Variants in SLC2A4 observed in about 807,000 individuals in gnomAD.
SLC2A4 encodes the protein solute carrier family 2, facilitated glucose transporter member 4.
Under a neutral mutation model 53.3 loss-of-function variants are expected in SLC2A4, and 31 were observed. The ratio of observed to expected loss-of-function variants is 0.58; its 90% confidence interval spans 0.44 to 0.78. The LOEUF (loss-of-function observed/expected upper bound fraction) is 0.78. SLC2A4 is among the 30% of genes least tolerant of loss of function. SLC2A4 has a pLI of 0.00. For synonymous variants in SLC2A4, 276 were observed against 281.9 expected (o/e 0.98, Z 0.21); for missense variants, 538 against 655.7 (o/e 0.82, Z 1.96).
Position 7,285,962 on chromosome 17 carries a change from C to T in SLC2A4, c.1326+54C>T. 1.3e-6 allele frequency: 2 copies of T among 1,520,468 alleles called. No homozygotes were observed. Among genetic ancestry groups the T allele is most frequent in the Admixed American group, 1.8e-5 (1 of 57,104 alleles). The allele number at this position is 1,520,468 out of a possible 1,614,324, so 94.2% of individuals were successfully genotyped here. A position where few individuals can be genotyped will look rare whatever the true frequency, so the allele number is the denominator to read the frequency against. Reference sequence around the variant, plus strand: ...CCGTAGGCCAGAGGTGGGCATCACACAGCTAGCCCACCTGCTTCCCCGTCA... The same window carrying T: ...CCGTAGGCCAGAGGTGGGCATCACATAGCTAGCCCACCTGCTTCCCCGTCA... On this transcript the variant is annotated intron_variant, in intron 10 of 10. Transcript: ENST00000317370. This position sits in a 1 kb window ranked among gnomAD's most constrained non-coding sequence, Gnocchi z 6.0.
rs2072419512 is a variant in SLC2A4, at chr17:7,283,428, G to A, written c.151-45G>A. 6.2e-7 allele frequency: 1 copy of A among 1,612,794 alleles called. No homozygotes were observed. Among genetic ancestry groups the A allele is most frequent in the Non-Finnish European group, 8.5e-7 (1 of 1,179,378 alleles). ...GAGGACAGGTGTCTCGGGGGTGGTG[G>A]AAAGGGGACGGTCTGCAGGAAATCT... On this transcript the variant is annotated intron_variant, in intron 2 of 10. Coordinates refer to ENST00000317370, the MANE Select transcript of SLC2A4 (RefSeq NM_001042.3). This position sits in a 1 kb window ranked among gnomAD's most constrained non-coding sequence, Gnocchi z 5.8.
Position 7,285,337 on chromosome 17 carries a change from G to C in SLC2A4, c.1122+148G>C. ...CCAGGACTGGGGCTGACTGGCTCCA[G>C]AATCTGCTGGGATTGTGGTCTGCTC... On this transcript the variant is annotated intron_variant, in intron 9 of 10. Coordinates refer to ENST00000317370, the MANE Select transcript of SLC2A4 (RefSeq NM_001042.3). This position sits in a 1 kb window ranked among gnomAD's most constrained non-coding sequence, Gnocchi z 6.0. 1 of 761,736 alleles carries C rather than the reference G, an allele frequency of 1.3e-6. No homozygotes were observed. Among genetic ancestry groups the C allele is most frequent in the Non-Finnish European group, 2.2e-6 (1 of 448,308 alleles). The allele number at this position is 761,736 out of a possible 1,614,324, so 47.2% of individuals were successfully genotyped here.
Position 7,282,092 on chromosome 17 carries a change from G to A in SLC2A4, c.33+125G>A. 2 of 809,260 alleles carry A rather than the reference G, an allele frequency of 2.5e-6. No homozygotes were observed. Among genetic ancestry groups the A allele is most frequent in the South Asian group, 2.9e-5 (2 of 68,716 alleles). The allele number at this position is 809,260 out of a possible 1,614,324, so 50.1% of individuals were successfully genotyped here. A position where few individuals can be genotyped will look rare whatever the true frequency, so the allele number is the denominator to read the frequency against. ...GCGCAGGGGGTGAAGGTAGGGGGCTGGCTATTTATACCCGGCCTGGACAAC... is the reference window on the plus strand; with the variant it reads ...GCGCAGGGGGTGAAGGTAGGGGGCTAGCTATTTATACCCGGCCTGGACAAC... On this transcript the variant is annotated intron_variant, in intron 1 of 10. Transcript: ENST00000317370. The surrounding 1 kb of genome is among the most constrained non-coding windows in gnomAD (Gnocchi z 4.1).
chr17:7,282,532 C>A lies in SLC2A4; in HGVS notation c.33+565C>A. 2.5e-6 allele frequency: 1 copy of A among 404,084 alleles called. No individual in the cohort carries two copies. Among genetic ancestry groups the A allele is most frequent in the Non-Finnish European group, 5.0e-6 (1 of 199,820 alleles). The allele number at this position is 404,084 out of a possible 1,614,324, so 25.0% of individuals were successfully genotyped here. ...CAGCGAGCGGCCACCACTGCCACCG[C>A]CCCTCACACTACCTTCCTGCCCTCC... On this transcript the variant is annotated intron_variant, in intron 1 of 10. Transcript: ENST00000317370. This position sits in a 1 kb window ranked among gnomAD's most constrained non-coding sequence, Gnocchi z 4.1.
rs1232209607 is a variant in SLC2A4 at position 7,283,852 on chromosome 17, C to T, written c.438C>T (p.Gly146=). 13 of 1,614,136 alleles carry T rather than the reference C, an allele frequency of 8.1e-6. No individual in the cohort carries two copies. Among genetic ancestry groups the T allele is most frequent in the South Asian group, 3.3e-5 (3 of 91,088 alleles). Residue 146 remains glycine, a synonymous_variant, in exon 4 of 11, where the codon GGC becomes GGT. Transcript: ENST00000317370. The surrounding 1 kb of genome is among the most constrained non-coding windows in gnomAD (Gnocchi z 5.8). ...TCATCCTTGGACGATTCCTCATTGG[C>T]GCCTACTCAGGTACTCACGGGCACC... ...EMLILGRFLI[G]AYSGLTSGLV... is the part of the protein sequence containing the mutation.
rs2072428487 is a variant in SLC2A4, at chr17:7,284,187, C to T, written c.565-30C>T. The T allele has an allele frequency of 5.0e-6, 8 of 1,611,514 alleles. No individual in the cohort carries two copies. The highest frequency in any genetic ancestry group is 6.8e-6 in the Non-Finnish European group (8 of 1,179,910). On this transcript the variant is annotated intron_variant, in intron 5 of 10. Coordinates refer to ENST00000317370, the MANE Select transcript of SLC2A4 (RefSeq NM_001042.3). This position sits in a 1 kb window ranked among gnomAD's most constrained non-coding sequence, Gnocchi z 7.5. ...AAGGTAAGGCAGAAGGGCTGAGTGA[C>T]CTGCCTTCTTTCCCAACCTTCTCCC...
At position 7,283,612 on chromosome 17, in the gene SLC2A4, T is replaced by C. The variant is rs1428213073; in HGVS notation, c.290T>C (p.Phe97Ser). ...TCCGTGGGCGGCATGATTTCCTCCT[T>C]CCTCATTGGTATCATCTCTCAGTGG... ...IFSVGGMISS[F>S]LIGIISQWLG... The change falls in exon 3 of 11, where the codon TTC becomes TCC. Residue 97 changes from phenylalanine to serine, a missense_variant. Physicochemically the swap from Phe to Ser is radical, Grantham distance 155. Coordinates refer to ENST00000317370, the MANE Select transcript of SLC2A4 (RefSeq NM_001042.3). The surrounding 1 kb of genome is among the most constrained non-coding windows in gnomAD (Gnocchi z 5.8). The C allele has an allele frequency of 6.2e-7, 1 of 1,613,762 alleles. No homozygotes were observed.
Position 7,284,145 on chromosome 17 carries a change from G to A in SLC2A4, c.564+56G>A, listed in dbSNP as rs1364800397. 8.1e-6 allele frequency: 13 copies of A among 1,610,558 alleles called. No individual in the cohort carries two copies. Among genetic ancestry groups the A allele is most frequent in the Non-Finnish European group, 1.1e-5 (13 of 1,178,106 alleles). ...GCAGTGGTTAGAGTGGGGCTCTGGAGAATATGGTGGGCTTCCAAGGTAAGG... is the reference window on the plus strand; with the variant it reads ...GCAGTGGTTAGAGTGGGGCTCTGGAAAATATGGTGGGCTTCCAAGGTAAGG... On this transcript the variant is annotated intron_variant, in intron 5 of 10. Coordinates refer to ENST00000317370, the MANE Select transcript of SLC2A4 (RefSeq NM_001042.3). The surrounding 1 kb of genome is among the most constrained non-coding windows in gnomAD (Gnocchi z 7.5).
rs2072456112 is a variant in SLC2A4 at position 7,287,008 on chromosome 17, C to G, written c.*379C>G. 1 of 314,510 alleles carries G rather than the reference C, an allele frequency of 3.2e-6. No homozygotes were observed. Among genetic ancestry groups the G allele is most frequent in the Admixed American group, 4.3e-5 (1 of 23,444 alleles). 19.5% of individuals were successfully genotyped at this position (314,510 alleles called of 1,614,324 possible). A position where few individuals can be genotyped will look rare whatever the true frequency, so the allele number is the denominator to read the frequency against. ...ACTTTCTCAGTGGGACAAACCAGAG[C>G]AGAGAGCAGGACAGGAGACAAGAAA... On this transcript the variant is annotated 3_prime_UTR_variant, in exon 11 of 11. Coordinates refer to ENST00000317370, the MANE Select transcript of SLC2A4 (RefSeq NM_001042.3).
Position 7,284,714 on chromosome 17 carries a change from G to T in SLC2A4, c.915+42G>T. On this transcript the variant is annotated intron_variant, in intron 7 of 10. Coordinates refer to ENST00000317370, the MANE Select transcript of SLC2A4 (RefSeq NM_001042.3). This position sits in a 1 kb window ranked among gnomAD's most constrained non-coding sequence, Gnocchi z 7.5. ...CTCCAGGCAGGGCACAGCCCCGGGA[G>T]GGTAGACGAGAGTGGGGAGCAAACC... is the stretch of plus-strand genomic sequence containing the variant. The T allele has an allele frequency of 1.2e-6, 2 of 1,612,414 alleles. No homozygotes were observed. Among genetic ancestry groups the T allele is most frequent in the Non-Finnish European group, 1.7e-6 (2 of 1,178,694 alleles).
In SLC2A4 at chr17:7,282,605, T is replaced by C. The variant is rs2072412166; in HGVS notation, c.33+638T>C. On this transcript the variant is annotated intron_variant, in intron 1 of 10. Transcript: ENST00000317370. The surrounding 1 kb of genome is among the most constrained non-coding windows in gnomAD (Gnocchi z 4.1). ...GGCAGAACCCCTGGACGGCCCTCCC[T>C]GCACGGAGGTTAGAGGGGGAGGGCA... Among the ~76,000 whole-genome samples, 2 of 152,168 alleles carry C rather than the reference T, an allele frequency of 1.3e-5. No individual in the cohort carries two copies. The highest frequency in any genetic ancestry group is 1.3e-4 in the Admixed American group (2 of 15,284).
At position 7,281,914 on chromosome 17, in the gene SLC2A4, G is replaced by C. The variant is rs72556569; in HGVS notation, c.-21G>C. ...TCTTTCATCTTCGCCGCCCCTGCGC[G>C]TCCAGCTCTTCTAAGACGAGATGCC... On this transcript the variant is annotated 5_prime_UTR_variant, in exon 1 of 11. Transcript: ENST00000317370. 1.2e-6 allele frequency: 2 copies of C among 1,600,318 alleles called. No individual in the cohort carries two copies. Among genetic ancestry groups the C allele is most frequent in the Non-Finnish European group, 1.7e-6 (2 of 1,173,402 alleles).
rs1285270838 is a variant in SLC2A4 at position 7,283,826 on chromosome 17, C to T, written c.412C>T (p.Leu138Phe). Reference protein sequence around the residue: ...LANAAASYEMLILGRFLIGAY... With the variant: ...LANAAASYEMFILGRFLIGAY... ...CAATGCTGCTGCCTCCTATGAAATG[C>T]TCATCCTTGGACGATTCCTCATTGG... Residue 138 changes from leucine to phenylalanine, a missense_variant, in exon 4 of 11, where the codon CTC (leucine) becomes TTC (phenylalanine). Transcript: ENST00000317370. This position sits in a 1 kb window ranked among gnomAD's most constrained non-coding sequence, Gnocchi z 5.8. 6.2e-7 allele frequency: 1 copy of T among 1,614,144 alleles called. No homozygotes were observed. The highest frequency in any genetic ancestry group is 1.7e-5 in the Admixed American group (1 of 60,028).
At position 7,285,147 on chromosome 17, in the gene SLC2A4, GTGTGGCTGTGCCATCCTGATGAC is replaced by G; in HGVS notation, c.1088_1110del (p.Cys363SerfsTer26). The G allele has an allele frequency of 6.2e-7, 1 of 1,604,100 alleles. No individual in the cohort carries two copies. Among genetic ancestry groups the G allele is most frequent in the Non-Finnish European group, 8.5e-7 (1 of 1,176,930 alleles). On this transcript the variant is annotated frameshift_variant, in exon 9 of 11. Transcript: ENST00000317370. LOFTEE classifies it high-confidence loss of function. This position sits in a 1 kb window ranked among gnomAD's most constrained non-coding sequence, Gnocchi z 6.0. ...TCCATCTCCTGGGCCTGGCGGGCAT[GTGTGGCTGTGCCATCCTGATGAC>G]TGTGGCTCTGCTCCTGCTGGTAAGG...
chr17:7,281,943 G>C lies in SLC2A4; in HGVS notation c.9G>C (p.Ser3=), dbSNP rs775620746. The part of the protein sequence containing the change: MP[S]GFQQIGSEDG... ...AGCTCTTCTAAGACGAGATGCCGTC[G>C]GGCTTCCAACAGATAGGCTCCGAAG... The change falls in exon 1 of 11, where the codon TCG becomes TCC. Residue 3 remains serine, a synonymous_variant. Coordinates refer to ENST00000317370, the MANE Select transcript of SLC2A4 (RefSeq NM_001042.3). 2.5e-6 allele frequency: 4 copies of C among 1,608,826 alleles called. No individual in the cohort carries two copies. The South Asian group carries it at 3.3e-5, about 13-fold the overall frequency.
rs201117558 is a variant in SLC2A4, at chr17:7,283,789, C to A, written c.375C>A (p.Leu125=). The change falls in exon 4 of 11, where the codon CTC becomes CTA. Residue 125 remains leucine, a synonymous_variant. Transcript: ENST00000317370. This position sits in a 1 kb window ranked among gnomAD's most constrained non-coding sequence, Gnocchi z 5.8. Reference sequence around the variant, plus strand: ...TCCTGGCGGTGCTGGGGGGCAGCCTCATGGGCCTGGCCAATGCTGCTGCCT... The same window carrying A: ...TCCTGGCGGTGCTGGGGGGCAGCCTAATGGGCCTGGCCAATGCTGCTGCCT... ...NNVLAVLGGS[L]MGLANAAASY... is the part of the protein sequence containing the mutation. 3 of 1,614,106 alleles carry A rather than the reference C, an allele frequency of 1.9e-6. No homozygotes were observed. The highest frequency in any genetic ancestry group is 2.5e-6 in the Non-Finnish European group (3 of 1,180,002).
In SLC2A4 at chr17:7,286,655, A is replaced by AGCTCTCTCTACCCGGCCCAGAGACCCC. The variant is rs769379773; in HGVS notation, c.*27_*53dup. 99 of 1,593,678 alleles carry AGCTCTCTCTACCCGGCCCAGAGACCCC rather than the reference A, an allele frequency of 6.2e-5. No individual in the cohort carries two copies. In the African/African-American group the frequency reaches 1.0e-3, roughly 17 times the overall value. Reference sequence around the variant, plus strand: ...GGGGCCAGGCAGGGGTGGGAGAGCCAGCTCTCTCTACCCGGCCCAGAGACC... The same window carrying AGCTCTCTCTACCCGGCCCAGAGACCCC: ...GGGGCCAGGCAGGGGTGGGAGAGCCAGCTCTCTCTACCCGGCCCAGAGACCCCGCTCTCTCTACCCGGCCCAGAGACC... On this transcript the variant is annotated 3_prime_UTR_variant, in exon 11 of 11. Coordinates refer to ENST00000317370, the MANE Select transcript of SLC2A4 (RefSeq NM_001042.3).
At chr17:7,286,298 C>T in intron 10 of SLC2A4, 128 bp from the exon 11 acceptor site, 5 of 800,396 alleles carry the variant, frequency 6.2e-6, no homozygotes, top group Non-Finnish European at 1.1e-5. Flanking sequence ...TCCCTTGTCC[C>T]TGGAGGAGGC....
chr17:7,284,992 G>T lies in SLC2A4; in HGVS notation c.1020+53G>T. 1 of 1,614,128 alleles carries T rather than the reference G, an allele frequency of 6.2e-7. No individual in the cohort carries two copies. On this transcript the variant is annotated intron_variant, in intron 8 of 10. Transcript: ENST00000317370. This position sits in a 1 kb window ranked among gnomAD's most constrained non-coding sequence, Gnocchi z 7.5. The stretch of plus-strand genomic sequence containing the variant: ...AGCCACTGGCTTCACCTCCCTGGGT[G>T]TCCCGGAGGTCCTGCTCTTGGTTGC...
Sources: gnomAD v4.1 joint callset for allele counts (sites outside exome capture counted in the v4.1 genomes callset) on GRCh38, gnomAD v4.1.1 for gene constraint, Gnocchi (gnomAD v3.1) non-coding constraint, MANE v1.5 for transcripts, NCBI Gene and HGNC (gene_info 2026-07-23, HGNC 2026-07-21) for gene names.